ADAMTS16: variants seen among roughly 807,000 people sequenced by gnomAD.
ADAMTS16 encodes the protein A disintegrin and metalloproteinase with thrombospondin motifs 16.
Under a neutral mutation model 145.8 loss-of-function variants are expected in ADAMTS16, and 94 were observed. The ratio of observed to expected loss-of-function variants is 0.64; its 90% CI spans 0.55 to 0.77. ADAMTS16 has a LOEUF of 0.77. Among genes scored for constraint, ADAMTS16 ranks in the 30% least tolerant of loss-of-function variants. ADAMTS16 has a pLI of 0.00. For synonymous variants in ADAMTS16, 659 were observed against 604.3 expected (o/e 1.09, Z -1.33); for missense variants, 1,585 against 1,591.5 (o/e 1.00, Z 0.07).
intron 8 of ADAMTS16, among the ~76,000 whole-genome samples, chr5:5,195,866 A>C (rs1735786087): frequency 6.6e-6 from 1 of 152,230 alleles, no homozygotes; most frequent in African/African-American, 2.4e-5. Flanking sequence ...GCCATGCAAG[A>C]TATCAAGTAA....
chr5:5,151,325 G>A (rs182006174), intron 3 of ADAMTS16, among the ~76,000 whole-genome samples: 292 of 151,506 alleles, frequency 1.9e-3, no homozygotes, highest in African/African-American at 6.5e-3. Context: ...TGCAACCTCC[G>A]CCTCTCAGGT....
chr5:5,205,005 AT>A (rs1212551385), intron 9 of ADAMTS16, among the ~76,000 whole-genome samples: 12 of 152,168 alleles, frequency 7.9e-5, no homozygotes, highest in Non-Finnish European at 1.5e-4. Flanking sequence ...GATTGAATAC[AT>A]TTTATATGTT....
intron 18 of ADAMTS16, among the ~76,000 whole-genome samples, chr5:5,272,184 G>C (rs940945906): frequency 2.6e-5 from 4 of 152,046 alleles, no homozygotes; most frequent in African/African-American, 9.7e-5. Context: ...TTTGCTCACA[G>C]GAATGCTGGA....
At chr5:5,282,821 T>C (rs1738971813) in intron 18 of ADAMTS16, among the ~76,000 whole-genome samples, 1 of 152,244 alleles carries the variant, frequency 6.6e-6, no homozygotes, top group African/African-American at 2.4e-5. Flanking sequence ...TCAGAAACCA[T>C]TTTAAAAAAT....
intron 21 of ADAMTS16, among the ~76,000 whole-genome samples, chr5:5,312,024 C>A (rs905858985): frequency 6.6e-6 from 1 of 152,050 alleles, no homozygotes; most frequent in South Asian, 2.1e-4. Flanking sequence ...GCCATCGGTT[C>A]GCTTCTTTAA....
In ADAMTS16 at chr5:5,184,788, C is replaced by T. The variant is rs573736619; in HGVS notation, c.764-1264C>T. On this transcript the variant is annotated intron_variant, in intron 4 of 22. Coordinates refer to ENST00000274181, the MANE Select transcript of ADAMTS16 (RefSeq NM_139056.4). ...TTCAGAGCCGAGGCCCGTGAGATCA[C>T]CACCCCACGGAGTTTCTGACCCCTG... Among the ~76,000 whole-genome samples, 83 of 152,068 alleles carry T rather than the reference C, an allele frequency of 5.5e-4. 1 individual carries two copies. Among genetic ancestry groups the T allele is most frequent in the African/African-American group, 1.8e-3 (76 of 41,460 alleles).
intron 3 of ADAMTS16, among the ~76,000 whole-genome samples, chr5:5,178,843 G>A (rs1735264458): frequency 6.6e-6 from 1 of 151,996 alleles, no homozygotes; most frequent in Non-Finnish European, 1.5e-5. Flanking sequence ...TGTAGGCCAG[G>A]AACCAGAAAG....
chr5:5,147,944 C>T (rs1053115349), intron 3 of ADAMTS16, among the ~76,000 whole-genome samples: 1 of 152,146 alleles, frequency 6.6e-6, no homozygotes, highest in African/African-American at 2.4e-5. Context: ...GGAGGCTGAG[C>T]TGTGCCCTGG....
At chr5:5,253,975 T>C (rs1400710213) in intron 17 of ADAMTS16, among the ~76,000 whole-genome samples, 1 of 152,202 alleles carries the variant, frequency 6.6e-6, no homozygotes, top group Non-Finnish European at 1.5e-5. Context: ...AGCTTGTGTC[T>C]TTTCGCGTGA....
At chr5:5,287,819 G>T (rs554780305) in intron 18 of ADAMTS16, among the ~76,000 whole-genome samples, 1 of 152,116 alleles carries the variant, frequency 6.6e-6, no homozygotes, top group Admixed American at 6.6e-5. Context: ...AACCTTTGTG[G>T]ATGGTCCTAA....
chr5:5,195,635 G>A (rs906911519), intron 8 of ADAMTS16, among the ~76,000 whole-genome samples: 1 of 152,214 alleles, frequency 6.6e-6, no homozygotes, highest in Admixed American at 6.5e-5. Context: ...TAGCCAAGTT[G>A]CATTATCACT....
intron 10 of ADAMTS16, among the ~76,000 whole-genome samples, chr5:5,210,797 G>T (rs1191134976): frequency 6.6e-6 from 1 of 151,938 alleles, no homozygotes; most frequent in Non-Finnish European, 1.5e-5. Flanking sequence ...GTTGAATATT[G>T]TCAAATCTTT....
At chr5:5,175,830 C>T (rs1329246441) in intron 3 of ADAMTS16, among the ~76,000 whole-genome samples, 1 of 152,186 alleles carries the variant, frequency 6.6e-6, no homozygotes, top group Non-Finnish European at 1.5e-5. Flanking sequence ...TCGCTGTTCT[C>T]TCCCTCCCAC....
intron 17 of ADAMTS16, among the ~76,000 whole-genome samples, chr5:5,260,858 C>A (rs985230754): frequency 1.3e-5 from 2 of 152,354 alleles, no homozygotes; most frequent in Non-Finnish European, 1.5e-5. Context: ...TTCTGTGGAA[C>A]TGGCATGAGG....
Position 5,225,175 on chromosome 5 carries a change from G to A in ADAMTS16, c.1701+2291G>A, listed in dbSNP as rs77924656. On this transcript the variant is annotated intron_variant, in intron 11 of 22. Transcript: ENST00000274181. The stretch of plus-strand genomic sequence containing the variant: ...CTGTAAGCCAAAGCAAATAACTGAG[G>A]CAAATCTCAATGAATGTAGAGGTTT... Among the ~76,000 whole-genome samples, 511 of 152,192 alleles carry A rather than the reference G, an allele frequency of 3.4e-3. 3 individuals carry two copies. The highest frequency in any genetic ancestry group is 4.9e-3 in the Non-Finnish European group (333 of 68,014).
chr5:5,157,785 C>T (rs948130069), intron 3 of ADAMTS16, among the ~76,000 whole-genome samples: 2 of 152,122 alleles, frequency 1.3e-5, no homozygotes, highest in Non-Finnish European at 2.9e-5. Context: ...GTGTTAAACC[C>T]CTCTTTACGT....
chr5:5,231,565 C>T (rs1336551883), intron 11 of ADAMTS16, among the ~76,000 whole-genome samples: 1 of 152,180 alleles, frequency 6.6e-6, no homozygotes, highest in East Asian at 1.9e-4. Context: ...AGACAAACAT[C>T]TTCCTTCTTC....
At chr5:5,220,580 G>A (rs34819663) in intron 10 of ADAMTS16, among the ~76,000 whole-genome samples, 35,231 of 152,070 alleles carry the variant, frequency 0.23, 4,706 homozygotes, top group Middle Eastern at 0.34. Flanking sequence ...AGCCCTGAAC[G>A]CAGACGGAGA....
At chr5:5,303,180 C>A in intron 18 of ADAMTS16, 88 bp from the exon 19 acceptor site, 1 of 1,347,858 alleles carries the variant, frequency 7.4e-7, no homozygotes, top group Non-Finnish European at 9.9e-7. Flanking sequence ...GCTGGGAAAT[C>A]GCGCCGCTGC....
Sources: allele counts gnomAD v4.1 joint callset (sites outside exome capture counted in the v4.1 genomes callset), GRCh38; gene constraint gnomAD v4.1.1; transcripts MANE v1.5; gene names NCBI Gene and HGNC (gene_info 2026-07-23, HGNC 2026-07-21).